The following FAM234B variants were observed in gnomAD, a reference collection of about 807,000 sequenced individuals.
The protein encoded by FAM234B is family with sequence similarity 234 member B, also known as protein FAM234B.
Under a neutral mutation model 69.3 loss-of-function variants are expected in FAM234B, and 33 were observed. That is an observed-to-expected ratio of 0.48 (90% CI 0.36 to 0.64). The LOEUF is 0.64. Among genes scored for constraint, FAM234B ranks in the 30% least tolerant of loss-of-function variants. The pLI, the probability that FAM234B is intolerant of heterozygous loss-of-function variation, is 0.00. For missense variants in FAM234B, 697 were observed against 769.7 expected (o/e 0.91, Z 1.12); for synonymous variants, 306 against 306.9 (o/e 1.00, Z 0.03).
intron 5 of FAM234B, among the ~76,000 whole-genome samples, chr12:13,063,638 A>G (rs749476763): frequency 6.6e-6 from 1 of 152,224 alleles, no homozygotes; most frequent in African/African-American, 2.4e-5. Flanking sequence ...ACTTCAGTGT[A>G]CTGGTTACTC....
intron 1 of FAM234B, among the ~76,000 whole-genome samples, chr12:13,048,977 C>T (rs929431822): frequency 6.6e-6 from 1 of 152,228 alleles, no homozygotes; most frequent in African/African-American, 2.4e-5. Flanking sequence ...GAAGAAACTG[C>T]CCCCATGATT....
intron 10 of FAM234B, among the ~76,000 whole-genome samples, chr12:13,072,184 T>A (rs1163004542): frequency 6.6e-6 from 1 of 152,180 alleles, no homozygotes; most frequent in Non-Finnish European, 1.5e-5. Context: ...GGATCCTGAA[T>A]TCATCAACCA....
chr12:13,063,716 T>C, intron 5 of FAM234B, among the ~76,000 whole-genome samples: 1 of 152,228 alleles, frequency 6.6e-6, no homozygotes, highest in East Asian at 1.9e-4. Context: ...ATGAACAGAA[T>C]AATCTCAATT....
At chr12:13,055,975 C>T in intron 2 of FAM234B, 29 bp downstream of exon 2, 1 of 1,510,332 alleles carries the variant, frequency 6.6e-7, no homozygotes. Flanking sequence ...AGCCCTAATC[C>T]TGTGAAACTT....
intron 1 of FAM234B, among the ~76,000 whole-genome samples, chr12:13,054,632 G>A (rs1436722767): frequency 6.6e-6 from 1 of 152,144 alleles, no homozygotes; most frequent in African/African-American, 2.4e-5. Context: ...ATTAGTGATA[G>A]ATTACTGCAT....
chr12:13,066,512 G>A (rs184151976), intron 5 of FAM234B, 128 bp from the exon 6 acceptor site: 13 of 1,049,210 alleles, frequency 1.2e-5, no homozygotes, highest in Admixed American at 2.8e-5. Context: ...TTGGCTTTGT[G>A]CTTTCCAACT....
chr12:13,075,600 T>C (rs80323089), intron 10 of FAM234B, among the ~76,000 whole-genome samples: 1 of 129,848 alleles, frequency 7.7e-6, no homozygotes, highest in South Asian at 2.8e-4. Context: ...CAAGCCCAGC[T>C]TTTTTTTCTC....
chr12:13,048,289 T>C (rs1315931811), intron 1 of FAM234B, among the ~76,000 whole-genome samples: 3 of 152,242 alleles, frequency 2.0e-5, no homozygotes, highest in African/African-American at 2.4e-5. Context: ...TTTGTTCCTG[T>C]CATTAGTGAC....
In FAM234B at chr12:13,061,478, A is replaced by G. The variant is rs1864981585; in HGVS notation, c.533-97A>G. 4.1e-6 allele frequency: 4 copies of G among 970,974 alleles called. No individual in the cohort carries two copies. The Admixed American group carries it at 1.0e-4, about 25-fold the overall frequency. 60.1% of individuals were successfully genotyped at this position (970,974 alleles called of 1,614,324 possible). On this transcript the variant is annotated intron_variant, in intron 3 of 12. Transcript: ENST00000197268. Reference sequence around the variant, plus strand: ...AATACACAAGTGTGGTTGCTGCCTTACCACCATCCACTTGCAGTTTTCTGG... The same window carrying G: ...AATACACAAGTGTGGTTGCTGCCTTGCCACCATCCACTTGCAGTTTTCTGG...
rs767416128 is a variant in FAM234B, at chr12:13,082,373, A to T, written c.*1743A>T. ...CCACTGACAGGCATTATGACCTAAC[A>T]GGAGGTTGGTAGCAGTAGATCCAAG... On this transcript the variant is annotated 3_prime_UTR_variant, in exon 13 of 13. Transcript: ENST00000197268. 6.6e-6 allele frequency: 1 copy of T among 152,178 alleles called. No individual in the cohort carries two copies. Among genetic ancestry groups the T allele is most frequent in the Non-Finnish European group, 1.5e-5 (1 of 68,034 alleles). The allele number at this position is 152,178 out of a possible 1,614,324, so 9.4% of individuals were successfully genotyped here. A position where few individuals can be genotyped will look rare whatever the true frequency, so the allele number is the denominator to read the frequency against.
Position 13,061,627 on chromosome 12 carries a change from C to A in FAM234B, c.585C>A (p.Ser195Arg). ...TATGCCTTTCGGGGATGAATGGCAGCACACTGTGGTCTAGTCTTCTCCCTG... is the reference window on the plus strand; with the variant it reads ...TATGCCTTTCGGGGATGAATGGCAGAACACTGTGGTCTAGTCTTCTCCCTG... Reference protein sequence around the residue: ...NLVCLSGMNGSTLWSSLLPEE... With the variant: ...NLVCLSGMNGRTLWSSLLPEE... The change falls in exon 4 of 13, where the codon AGC (serine) becomes AGA (arginine). Residue 195 changes from serine (S) to arginine (R), a missense_variant. Physicochemically the swap from Ser to Arg is moderately radical, Grantham distance 110. This residue lies in a region of FAM234B where 380 missense variants were observed against 447.1 expected (regional missense o/e 0.85). Coordinates refer to ENST00000197268, the MANE Select transcript of FAM234B (RefSeq NM_020853.2). The A allele has an allele frequency of 6.2e-7, 1 of 1,613,988 alleles. No individual in the cohort carries two copies.
chr12:13,058,360 G>T, intron 2 of FAM234B, 91 bp from the exon 3 acceptor site: 1 of 964,070 alleles, frequency 1.0e-6, no homozygotes. Context: ...AGGAACTGGA[G>T]TCTGCCTGGT....
chr12:13,051,577 T>C (rs748526128), intron 1 of FAM234B, among the ~76,000 whole-genome samples: 85 of 152,352 alleles, frequency 5.6e-4, no homozygotes, highest in Non-Finnish European at 1.1e-3. Flanking sequence ...TGTTGTTTGC[T>C]ATCTGGAGTA....
Position 13,055,670 on chromosome 12 carries a change from C to A in FAM234B, c.157C>A (p.Pro53Thr), listed in dbSNP as rs866520971. Residue 53 changes from proline (P) to threonine (T), a missense_variant, in exon 2 of 13, where the codon CCT (proline) becomes ACT (threonine). Pro to Thr is a conservative substitution (Grantham distance 38). Transcript: ENST00000197268. Reference sequence around the variant, plus strand: ...TGGAGGGGTCAAAAATGGGAAGAGTCCTTTGGGAGAAGCGCCAGAACCCGA... The same window carrying A: ...TGGAGGGGTCAAAAATGGGAAGAGTACTTTGGGAGAAGCGCCAGAACCCGA... ...KNGGVKNGKS[P>T]LGEAPEPDSD... is the part of the protein sequence containing the mutation. The A allele has an allele frequency of 6.2e-7, 1 of 1,614,184 alleles. No homozygotes were observed. The highest frequency in any genetic ancestry group is 1.7e-5 in the Admixed American group (1 of 60,022).
At chr12:13,049,803 G>A (rs960155987) in intron 1 of FAM234B, among the ~76,000 whole-genome samples, 1 of 152,126 alleles carries the variant, frequency 6.6e-6, no homozygotes, top group Non-Finnish European at 1.5e-5. Flanking sequence ...TTGTTTTTCA[G>A]CTAATTGTTT....
intron 10 of FAM234B, among the ~76,000 whole-genome samples, chr12:13,075,746 G>A (rs1865152173): frequency 1.3e-5 from 2 of 151,624 alleles, no homozygotes; most frequent in East Asian, 3.9e-4. Flanking sequence ...ATGAGCCACC[G>A]CACCAGGCCT....
At chr12:13,063,252 G>C (rs995394260) in intron 5 of FAM234B, among the ~76,000 whole-genome samples, 1 of 152,176 alleles carries the variant, frequency 6.6e-6, no homozygotes, top group Admixed American at 6.5e-5. Context: ...ATATCTTTGA[G>C]GCCTTGGGCA....
intron 1 of FAM234B, among the ~76,000 whole-genome samples, chr12:13,050,879 A>G (rs567074238): frequency 3.2e-4 from 48 of 152,288 alleles, no homozygotes; most frequent in African/African-American, 1.1e-3. Flanking sequence ...CATGATTATT[A>G]ATTCTGTGAA....
At position 13,055,638 on chromosome 12, in the gene FAM234B, A is replaced by G; in HGVS notation, c.125A>G (p.Gln42Arg). ...GAAGACGATCTGGTGCTTAACCTGCAGAAGAATGGAGGGGTCAAAAATGGG... is the reference window on the plus strand; with the variant it reads ...GAAGACGATCTGGTGCTTAACCTGCGGAAGAATGGAGGGGTCAAAAATGGG... ...ESEDDLVLNL[Q>R]KNGGVKNGKS... The change falls in exon 2 of 13, where the codon CAG becomes CGG. Residue 42 changes from glutamine to arginine, a missense_variant. By Grantham distance (43) the Gln-to-Arg change is conservative (BLOSUM62 1). Around this residue, in one of 3 missense-constraint regions of FAM234B, gnomAD observed 380 missense variants for 447.1 expected, o/e 0.85. Coordinates refer to ENST00000197268, the MANE Select transcript of FAM234B (RefSeq NM_020853.2). 1.2e-6 allele frequency: 2 copies of G among 1,614,228 alleles called. No individual in the cohort carries two copies. The highest frequency in any genetic ancestry group is 1.7e-6 in the Non-Finnish European group (2 of 1,180,046).
Sources: gnomAD v4.1 joint callset for allele counts (sites outside exome capture counted in the v4.1 genomes callset) on GRCh38, gnomAD v4.1.1 for gene constraint, gnomAD v4.1.1 regional missense constraint, MANE v1.5 for transcripts, NCBI Gene and HGNC (gene_info 2026-07-23, HGNC 2026-07-21) for gene names.